Variants in RYR3 observed in about 807,000 individuals in gnomAD.
RYR3 encodes the protein brain ryanodine receptor-calcium release channel.
A neutral mutation model predicts 584.3 loss-of-function variants in RYR3; 207 were observed. That is an observed-to-expected ratio of 0.35 (90% CI 0.32 to 0.40). RYR3 has a LOEUF of 0.40. Ranked by LOEUF, RYR3 falls within the 10% of genes least tolerant of loss-of-function variation. RYR3 has a pLI of 1.00. For synonymous variants in RYR3, 2,416 were observed against 2,248.5 expected (o/e 1.07, Z -2.11); for missense variants, 5,616 against 6,089.2 (o/e 0.92, Z 2.59).
In RYR3 at chr15:33,603,373, C is replaced by A. The variant is rs748284929; in HGVS notation, c.2164+9C>A. On this transcript the variant is annotated intron_variant, in intron 18 of 103. Coordinates refer to ENST00000634891, the MANE Select transcript of RYR3 (RefSeq NM_001036.6). ...ACTTCACCTTTGGTCAGGTGAGTACCTTGCTAAAGCTTTGGCTCATAATCT... is the reference window on the plus strand; with the variant it reads ...ACTTCACCTTTGGTCAGGTGAGTACATTGCTAAAGCTTTGGCTCATAATCT... The A allele has an allele frequency of 2.0e-6, 3 of 1,535,640 alleles. No individual in the cohort carries two copies. Among genetic ancestry groups the A allele is most frequent in the Middle Eastern group, 1.8e-4 (1 of 5,710 alleles).
intron 6 of RYR3, among the ~76,000 whole-genome samples, chr15:33,539,971 G>T (rs1426280319): frequency 6.6e-6 from 1 of 152,066 alleles, no homozygotes; most frequent in Non-Finnish European, 1.5e-5. Flanking sequence ...GAAAATCCAT[G>T]TATATGCAGA....
At chr15:33,847,782 G>C (rs1253717467) in intron 93 of RYR3, among the ~76,000 whole-genome samples, 1 of 152,190 alleles carries the variant, frequency 6.6e-6, no homozygotes, top group Non-Finnish European at 1.5e-5. Context: ...CAGAAAGACT[G>C]AATCTTCTCA....
chr15:33,409,736 A>T lies in RYR3; in HGVS notation c.52-63683A>T, dbSNP rs553489039. Reference sequence around the variant, plus strand: ...GGTGTACGAGAGAGAGAATCTTAGGAGTTGCCCACTTCTGGAGTTCTAGCT... The same window carrying T: ...GGTGTACGAGAGAGAGAATCTTAGGTGTTGCCCACTTCTGGAGTTCTAGCT... On this transcript the variant is annotated intron_variant, in intron 1 of 103. Transcript: ENST00000634891. Among the ~76,000 whole-genome samples the T allele has an allele frequency of 3.3e-5, 5 of 152,324 alleles. No individual in the cohort carries two copies. In the East Asian group the frequency reaches 9.6e-4, roughly 29 times the overall value.
intron 43 of RYR3, among the ~76,000 whole-genome samples, chr15:33,718,619 C>T (rs1160437913): frequency 6.6e-6 from 1 of 152,030 alleles, no homozygotes; most frequent in Admixed American, 6.6e-5. Flanking sequence ...AAACAGTGTT[C>T]CAGACAATGG....
chr15:33,343,335 A>T (rs533925533), intron 1 of RYR3, among the ~76,000 whole-genome samples: 7 of 152,292 alleles, frequency 4.6e-5, no homozygotes, highest in East Asian at 3.9e-4. Context: ...AATAAATTTT[A>T]AAAAAACCCT....
chr15:33,819,615 A>C (rs2076997932), intron 76 of RYR3, 141 bp from the exon 77 acceptor site: 1 of 379,130 alleles, frequency 2.6e-6, no homozygotes, highest in Non-Finnish European at 4.2e-6. Flanking sequence ...CGGAGGTTGC[A>C]GTGAGCCGAG....
At chr15:33,742,900 G>T (rs976104956) in intron 52 of RYR3, among the ~76,000 whole-genome samples, 4 of 152,164 alleles carry the variant, frequency 2.6e-5, no homozygotes, top group African/African-American at 9.7e-5. Context: ...CTTATGGTAG[G>T]CAGTGGTAGA....
chr15:33,447,518 A>G (rs2046771427), intron 1 of RYR3, among the ~76,000 whole-genome samples: 1 of 152,086 alleles, frequency 6.6e-6, no homozygotes, highest in South Asian at 2.1e-4. Context: ...ATTTTGCAGT[A>G]CTCCAGTCAG....
intron 18 of RYR3, among the ~76,000 whole-genome samples, chr15:33,609,469 A>G (rs1403098634): frequency 6.6e-6 from 1 of 152,212 alleles, no homozygotes; most frequent in Non-Finnish European, 1.5e-5. Context: ...CAGCCTAGCC[A>G]ACGGGGTGAA....
chr15:33,773,626 A>C lies in RYR3; in HGVS notation c.9137+11A>C. 3 of 1,546,884 alleles carry C rather than the reference A, an allele frequency of 1.9e-6. No homozygotes were observed. Among genetic ancestry groups the C allele is most frequent in the Non-Finnish European group, 2.7e-6 (3 of 1,125,816 alleles). ...CATTTATGTTGAAAGGTAATTAGTG[A>C]ACGAAGAGGCTAACACTTTCAGGCA... On this transcript the variant is annotated intron_variant, in intron 64 of 103. Coordinates refer to ENST00000634891, the MANE Select transcript of RYR3 (RefSeq NM_001036.6).
At chr15:33,811,180 GCTCT>G (rs2076517958) in intron 72 of RYR3, 143 bp downstream of exon 72, 2 of 714,932 alleles carry the variant, frequency 2.8e-6, no homozygotes, top group East Asian at 5.4e-5. Context: ...GGTAGGACTA[GCTCT>G]CTCTTTTTTA....
At chr15:33,651,748 C>T (rs893893897) in intron 31 of RYR3, among the ~76,000 whole-genome samples, 2 of 152,158 alleles carry the variant, frequency 1.3e-5, no homozygotes, top group African/African-American at 4.8e-5. Context: ...TCAGACTGAC[C>T]CTAAGATGTT....
intron 31 of RYR3, among the ~76,000 whole-genome samples, chr15:33,650,663 C>T (rs115176253): frequency 1.5e-3 from 223 of 152,246 alleles, no homozygotes; most frequent in African/African-American, 5.2e-3. Flanking sequence ...TACCAAAATC[C>T]GCTCATACTC....
intron 1 of RYR3, among the ~76,000 whole-genome samples, chr15:33,448,566 C>A (rs2046857000): frequency 6.6e-6 from 1 of 152,174 alleles, no homozygotes; most frequent in Admixed American, 6.5e-5. Flanking sequence ...AGGAAATGTA[C>A]ATAAAATAAA....
intron 99 of RYR3, 126 bp downstream of exon 99, chr15:33,858,040 C>T (rs2079887115): frequency 8.0e-7 from 1 of 1,243,754 alleles, no homozygotes; most frequent in Non-Finnish European, 1.1e-6. Flanking sequence ...CAGAGCACAG[C>T]AGAGATTAAA....
rs2061257319 is a variant in RYR3, at chr15:33,631,368, A to G, written c.2867+75A>G. 4.0e-5 allele frequency: 39 copies of G among 972,168 alleles called. 1 individual carries two copies. The highest frequency in any genetic ancestry group is 6.1e-5 in the Non-Finnish European group (39 of 638,178). The allele number at this position is 972,168 out of a possible 1,614,324, so 60.2% of individuals were successfully genotyped here. ...ATTTTTAATCCAGGAGGGTGGTACC[A>G]AGACAGACAACAGCCCACATAGTTG... On this transcript the variant is annotated intron_variant, in intron 23 of 103. Transcript: ENST00000634891.
chr15:33,368,338 C>CTT (rs35491164), intron 1 of RYR3, among the ~76,000 whole-genome samples: 3,427 of 85,788 alleles, frequency 0.04, 336 homozygotes, highest in African/African-American at 0.11. Flanking sequence ...GCCTTCCTGT[C>CTT]TTTTTTTTTT....
chr15:33,420,157 C>A (rs1368043592), intron 1 of RYR3, among the ~76,000 whole-genome samples: 1 of 152,152 alleles, frequency 6.6e-6, no homozygotes, highest in Non-Finnish European at 1.5e-5. Flanking sequence ...CACACTTTCT[C>A]CTTTGGAGAA....
At chr15:33,333,066 C>CAAAAAAAAAAAAAAAAAAAAAAAAAAAA (rs1195937254) in intron 1 of RYR3, among the ~76,000 whole-genome samples, 1 of 55,734 alleles carries the variant, frequency 1.8e-5, no homozygotes, top group Non-Finnish European at 3.3e-5. Context: ...GCCTACCAAC[C>CAAAAAAAAAAAAAAAAAAAAAAAAAAAA]AAAAAAAAAA....
Sources: allele counts gnomAD v4.1 joint callset (sites outside exome capture counted in the v4.1 genomes callset), GRCh38; gene constraint gnomAD v4.1.1; transcripts MANE v1.5; gene names NCBI Gene and HGNC (gene_info 2026-07-23, HGNC 2026-07-21).